ALPK2: variants seen among roughly 807,000 people sequenced by gnomAD.
The protein encoded by ALPK2 is alpha kinase 2.
ALPK2 carries 127 observed loss-of-function variants against 163.1 expected under a neutral mutation model. The observed-to-expected ratio is 0.78, with a 90% CI of 0.67 to 0.90. The LOEUF is 0.90. Ranked by LOEUF, ALPK2 falls within the 40% of genes least tolerant of loss-of-function variation. The pLI is 0.00. For missense variants in ALPK2, 2,360 were observed against 2,589.6 expected (o/e 0.91, Z 1.92); for synonymous variants, 953 against 959.1 (o/e 0.99, Z 0.12).
intron 3 of ALPK2, among the ~76,000 whole-genome samples, chr18:58,603,342 T>C (rs920900805): frequency 3.3e-5 from 5 of 152,252 alleles, no homozygotes; most frequent in African/African-American, 1.2e-4. Context: ...TTCAACCCTG[T>C]ATACACTCCA....
intron 11 of ALPK2, among the ~76,000 whole-genome samples, chr18:58,498,844 A>G (rs1418373791): frequency 6.6e-6 from 1 of 152,184 alleles, no homozygotes; most frequent in African/African-American, 2.4e-5. Flanking sequence ...ACATGGGACT[A>G]TGAGTCCATT....
At chr18:58,618,970 C>T (rs1030224102) in intron 1 of ALPK2, among the ~76,000 whole-genome samples, 24 of 152,172 alleles carry the variant, frequency 1.6e-4, no homozygotes, top group African/African-American at 5.1e-4. Context: ...GCCTACTCAG[C>T]GGGGACAGGA....
chr18:58,538,123 T>C lies in ALPK2; in HGVS notation c.2064A>G (p.Thr688=). ...CCCCTCCTAAGTTTGAGAAGGAAAT[T>C]GTTGTGGTCCCAGTGAATGGGGACT... is the stretch of plus-strand genomic sequence containing the variant. The part of the protein sequence containing the change: ...GEESPFTGTT[T]ISFSNLGGVH... The change falls in exon 5 of 13, where the codon ACA becomes ACG. Residue 688 remains threonine (T), a synonymous_variant. Coordinates refer to ENST00000361673, the MANE Select transcript of ALPK2 (RefSeq NM_052947.4). 6.2e-7 allele frequency: 1 copy of C among 1,614,132 alleles called. No homozygotes were observed. The highest frequency in any genetic ancestry group is 8.5e-7 in the Non-Finnish European group (1 of 1,180,038).
At chr18:58,540,024 T>G (rs1289170604) in intron 4 of ALPK2, among the ~76,000 whole-genome samples, 2 of 152,220 alleles carry the variant, frequency 1.3e-5, no homozygotes, top group African/African-American at 4.8e-5. Flanking sequence ...ACTTAATCTT[T>G]TCAACAAATA....
intron 4 of ALPK2, among the ~76,000 whole-genome samples, chr18:58,551,122 C>CA (rs1491108052): frequency 6.7e-6 from 1 of 150,314 alleles, no homozygotes; most frequent in Non-Finnish European, 1.5e-5. Flanking sequence ...AAAAAAAAAA[C>CA]CCACATTTTT....
At chr18:58,545,256 A>G (rs1166922926) in intron 4 of ALPK2, 2 of 148,716 alleles carry the variant, frequency 1.3e-5, no homozygotes, top group Non-Finnish European at 3.0e-5. Flanking sequence ...CACACACACT[A>G]TTAGCTAGCT....
intron 4 of ALPK2, among the ~76,000 whole-genome samples, chr18:58,543,685 T>C (rs1568080842): frequency 6.6e-6 from 1 of 152,172 alleles, no homozygotes; most frequent in Non-Finnish European, 1.5e-5. Flanking sequence ...TAAAGAAGAA[T>C]AATGGAATTT....
rs1458239226 is a variant in ALPK2 at position 58,535,737 on chromosome 18, G to GT, written c.4449dup (p.Pro1484ThrfsTer2). The GT allele has an allele frequency of 1.2e-6, 2 of 1,613,986 alleles. No individual in the cohort carries two copies. Among genetic ancestry groups the GT allele is most frequent in the Admixed American group, 3.3e-5 (2 of 59,972 alleles). On this transcript the variant is annotated frameshift_variant, in exon 5 of 13. Transcript: ENST00000361673. ...CAAATGGCAGTTTTTGCCTCCTCAG[G>GT]TTGAATTTGTTCAGCCTCCTGCTTC...
At chr18:58,496,240 A>T (rs1313548361) in intron 12 of ALPK2, among the ~76,000 whole-genome samples, 1 of 152,158 alleles carries the variant, frequency 6.6e-6, no homozygotes, top group Admixed American at 6.5e-5. Flanking sequence ...TCAGGGTATG[A>T]ACTGGGTCTC....
chr18:58,535,123 C>A lies in ALPK2; in HGVS notation c.5064G>T (p.Glu1688Asp). ...TGCCTGCTCGGGCTTCCAGGGACTT[C>A]TCTCTCTCCCTGGACTTTTTCGCAC... ...LGCAKKSRER[E>D]KSLEARAGKS... The change falls in exon 5 of 13, where the codon GAG becomes GAT. Residue 1688 changes from glutamate (E) to aspartate (D), a missense_variant. By Grantham distance (45) the Glu-to-Asp change is conservative (BLOSUM62 2). Transcript: ENST00000361673. 4 of 1,614,050 alleles carry A rather than the reference C, an allele frequency of 2.5e-6. No individual in the cohort carries two copies. Among genetic ancestry groups the A allele is most frequent in the Non-Finnish European group, 3.4e-6 (4 of 1,179,980 alleles).
intron 4 of ALPK2, 176 bp from the exon 5 acceptor site, chr18:58,538,400 G>T: frequency 1.6e-6 from 1 of 610,662 alleles, no homozygotes. Context: ...CTAGAAAACT[G>T]CAAATTTAAG....
Position 58,538,182 on chromosome 18 carries a change from G to T in ALPK2, c.2005C>A (p.Gln669Lys). The stretch of plus-strand genomic sequence containing the variant: ...GCAGGCTCTGAGAAAGCTGGCATCT[G>T]GCTGCAAGAGATTGTCTCTCTGACT... ...ETVRETISCSQMPAFSEPAGE... is the reference protein window; with the variant it reads ...ETVRETISCSKMPAFSEPAGE... The change falls in exon 5 of 13, where the codon CAG (glutamine) becomes AAG (lysine). Residue 669 changes from glutamine (Q) to lysine (K), a missense_variant. Gln to Lys is a moderately conservative substitution (Grantham distance 53, BLOSUM62 1). Transcript: ENST00000361673. The T allele has an allele frequency of 6.2e-7, 1 of 1,612,922 alleles. No individual in the cohort carries two copies.
Position 58,534,815 on chromosome 18 carries a change from G to C in ALPK2, c.5353+19C>G, listed in dbSNP as rs2051634268. On this transcript the variant is annotated intron_variant, in intron 5 of 12. Coordinates refer to ENST00000361673, the MANE Select transcript of ALPK2 (RefSeq NM_052947.4). ...ACAAGCCCAAACTTTAACAATGATG[G>C]ACAGCAACAGAACCTCACCTCTTCC... 1.3e-6 allele frequency: 2 copies of C among 1,583,490 alleles called. No individual in the cohort carries two copies. Among genetic ancestry groups the C allele is most frequent in the South Asian group, 1.2e-5 (1 of 84,480 alleles).
intron 1 of ALPK2, among the ~76,000 whole-genome samples, chr18:58,616,026 C>T (rs1301745445): frequency 6.6e-6 from 1 of 152,118 alleles, no homozygotes. Context: ...AAGGTGAGAA[C>T]CCTTGATGAC....
chr18:58,549,972 C>T (rs2144161917), intron 4 of ALPK2, among the ~76,000 whole-genome samples: 1 of 152,232 alleles, frequency 6.6e-6, no homozygotes. Context: ...GCCCCTCTCA[C>T]CCTGACTCTG....
chr18:58,582,764 T>G (rs2051965819), intron 3 of ALPK2, among the ~76,000 whole-genome samples: 1 of 151,988 alleles, frequency 6.6e-6, no homozygotes. Context: ...GTACGTTGAT[T>G]CAGCCCAGAA....
At chr18:58,599,673 A>G (rs1471349233) in intron 3 of ALPK2, among the ~76,000 whole-genome samples, 3 of 152,154 alleles carry the variant, frequency 2.0e-5, no homozygotes, top group African/African-American at 7.2e-5. Context: ...TCCTATTTTA[A>G]TCAGTTCCAA....
At position 58,579,392 on chromosome 18, in the gene ALPK2, A is replaced by C; in HGVS notation, c.1384T>G (p.Tyr462Asp). 6.2e-7 allele frequency: 1 copy of C among 1,614,004 alleles called. No individual in the cohort carries two copies. Among genetic ancestry groups the C allele is most frequent in the South Asian group, 1.1e-5 (1 of 91,044 alleles). Reference sequence around the variant, plus strand: ...CTGGTTTCTCCTTGAATTCCTGGATAATCATTTTCAGCAGCCTCGGGAGCA... The same window carrying C: ...CTGGTTTCTCCTTGAATTCCTGGATCATCATTTTCAGCAGCCTCGGGAGCA... Reference protein sequence around the residue: ...PTAPEAAENDYPGIQGETRDS... With the variant: ...PTAPEAAENDDPGIQGETRDS... Residue 462 changes from tyrosine to aspartate, a missense_variant, in exon 4 of 13, where the codon TAT becomes GAT. Coordinates refer to ENST00000361673, the MANE Select transcript of ALPK2 (RefSeq NM_052947.4).
chr18:58,533,049 T>C (rs1568076481), intron 5 of ALPK2, among the ~76,000 whole-genome samples: 2 of 152,210 alleles, frequency 1.3e-5, no homozygotes, highest in African/African-American at 4.8e-5. Context: ...GAAAAGTCTT[T>C]GGTTGTCTCT....
Sources: gnomAD v4.1 joint callset for allele counts (sites outside exome capture counted in the v4.1 genomes callset) on GRCh38, gnomAD v4.1.1 for gene constraint, MANE v1.5 for transcripts, NCBI Gene and HGNC (gene_info 2026-07-23, HGNC 2026-07-21) for gene names.